HSD17B12: variants seen among roughly 807,000 people sequenced by gnomAD.
HSD17B12 encodes very-long-chain 3-oxoacyl-CoA reductase.
In HSD17B12, 32 loss-of-function variants were observed where a neutral mutation model predicts 39.3. That is an observed-to-expected ratio of 0.81 (90% CI 0.61 to 1.09). The LOEUF (loss-of-function observed/expected upper bound fraction) is 1.09, where lower values mean the gene tolerates loss of function less well. Among genes scored for constraint, HSD17B12 ranks in the 50% least tolerant of loss-of-function variants. The probability of loss-of-function intolerance (pLI) is 0.00; values close to 1 mark genes in which losing one functional copy is unlikely to be tolerated. For synonymous variants in HSD17B12, 150 were observed against 146.7 expected (o/e 1.02, Z -0.16); for missense variants, 342 against 382.9 (o/e 0.89, Z 0.89).
intron 3 of HSD17B12, among the ~76,000 whole-genome samples, chr11:43,770,450 G>A (rs1289838033): frequency 3.3e-5 from 5 of 152,104 alleles, no homozygotes; most frequent in African/African-American, 9.7e-5. Flanking sequence ...ACTCTCTGCC[G>A]GGCACAGTGG....
At chr11:43,587,134 C>T in the HSD17B12 span, among the ~76,000 whole-genome samples, 1 of 152,304 alleles carries the variant, frequency 6.6e-6, no homozygotes, top group African/African-American at 2.4e-5. Context: ...GCCTCAATAT[C>T]TCCATCTATA....
At chr11:43,770,592 C>T (rs1950639612) in intron 3 of HSD17B12, among the ~76,000 whole-genome samples, 1 of 152,128 alleles carries the variant, frequency 6.6e-6, no homozygotes, top group Non-Finnish European at 1.5e-5. Flanking sequence ...AAAAATCAGC[C>T]AGGCTTGATG....
chr11:43,754,851 A>G (rs896471198), intron 3 of HSD17B12: 16 of 760,520 alleles, frequency 2.1e-5, no homozygotes, highest in Non-Finnish European at 3.4e-5. Context: ...GACAGGGAAA[A>G]TCTTTTGAAC....
chr11:43,706,964 T>G (rs1950022126), intron 1 of HSD17B12, among the ~76,000 whole-genome samples: 1 of 152,192 alleles, frequency 6.6e-6, no homozygotes. Flanking sequence ...ATTTTTATAT[T>G]ACTGTCATTT....
At chr11:43,750,377 C>CT (rs769161191) in intron 1 of HSD17B12, among the ~76,000 whole-genome samples, 97 of 152,052 alleles carry the variant, frequency 6.4e-4, no homozygotes, top group Non-Finnish European at 1.1e-3. Context: ...ATCAGTAGTT[C>CT]TTTTTTTATT....
the HSD17B12 span, among the ~76,000 whole-genome samples, chr11:43,571,346 A>G: frequency 6.6e-6 from 1 of 152,128 alleles, no homozygotes; most frequent in East Asian, 1.9e-4. Context: ...AGCCTCTGCT[A>G]AGCTCAAGTG....
the HSD17B12 span, among the ~76,000 whole-genome samples, chr11:43,631,588 T>C: frequency 6.9e-5 from 10 of 143,922 alleles, no homozygotes; most frequent in Admixed American, 1.5e-4. Context: ...TCTCTCTCTC[T>C]CTGTCTCTCT....
At chr11:43,816,521 G>A in intron 6 of HSD17B12, 130 bp downstream of exon 6, 1 of 624,898 alleles carries the variant, frequency 1.6e-6, no homozygotes, top group Non-Finnish European at 2.3e-6. Flanking sequence ...GATACAAGTG[G>A]TCTATTAACT....
chr11:43,826,208 G>A (rs1417659041), intron 6 of HSD17B12, among the ~76,000 whole-genome samples: 1 of 149,808 alleles, frequency 6.7e-6, no homozygotes, highest in Non-Finnish European at 1.5e-5. Context: ...TCAGCCTCCC[G>A]AGTAGCTGGA....
At chr11:43,661,124 CAAT>C in the HSD17B12 span, among the ~76,000 whole-genome samples, 1 of 151,928 alleles carries the variant, frequency 6.6e-6, no homozygotes, top group South Asian at 2.1e-4. Flanking sequence ...AACTCCATCT[CAAT>C]AATAATAATA....
the HSD17B12 span, among the ~76,000 whole-genome samples, chr11:43,581,998 G>A: frequency 2.6e-5 from 4 of 152,296 alleles, no homozygotes; most frequent in African/African-American, 9.6e-5. This position sits in a 1 kb window ranked among gnomAD's most constrained non-coding sequence, Gnocchi z 4.9. Context: ...CCTGGTGCGG[G>A]GGACCCGGAG....
the HSD17B12 span, among the ~76,000 whole-genome samples, chr11:43,632,082 A>G: frequency 6.6e-6 from 1 of 152,130 alleles, no homozygotes; most frequent in East Asian, 1.9e-4. Context: ...CGCAGATCCT[A>G]ATCTCTTCGT....
intron 6 of HSD17B12, among the ~76,000 whole-genome samples, chr11:43,828,141 CTT>C (rs551697407): frequency 6.1e-5 from 8 of 131,252 alleles, no homozygotes; most frequent in Non-Finnish European, 8.2e-5. Context: ...TTGTCTACTT[CTT>C]TTTTTTTTTT....
At chr11:43,630,962 G>A in the HSD17B12 span, among the ~76,000 whole-genome samples, 1 of 151,942 alleles carries the variant, frequency 6.6e-6, no homozygotes, top group Non-Finnish European at 1.5e-5. Context: ...CCGCCACCAC[G>A]CCTGGCCCAT....
At chr11:43,747,690 T>C (rs1200852729) in intron 1 of HSD17B12, among the ~76,000 whole-genome samples, 2 of 152,244 alleles carry the variant, frequency 1.3e-5, no homozygotes, top group Non-Finnish European at 2.9e-5. Context: ...GTTAAAGATA[T>C]GCTGTTTGAA....
chr11:43,681,295 T>A (rs1001426974), intron 1 of HSD17B12: 5 of 388,038 alleles, frequency 1.3e-5, no homozygotes, highest in Non-Finnish European at 2.0e-5. Flanking sequence ...TCCGTGTTCA[T>A]GGAGCCAGTC....
the HSD17B12 span, chr11:43,581,292 A>C: frequency 4.3e-6 from 2 of 465,478 alleles, no homozygotes; most frequent in South Asian, 3.1e-5. This position sits in a 1 kb window ranked among gnomAD's most constrained non-coding sequence, Gnocchi z 4.9. Context: ...GGTGAGACTG[A>C]GCCGCGATGG....
chr11:43,654,877 G>A, the HSD17B12 span, among the ~76,000 whole-genome samples: 19 of 152,092 alleles, frequency 1.2e-4, no homozygotes, highest in Non-Finnish European at 1.9e-4. Context: ...TTGGCAATGC[G>A]GGCTCTTTTT....
intron 9 of HSD17B12, chr11:43,854,164 T>C (rs12417393): frequency 0.35 from 53,013 of 152,190 alleles, 9,641 homozygotes; most frequent in Admixed American, 0.44. Context: ...ATCTTATCAA[T>C]AAAATTGTTT....
Sources: gnomAD v4.1 joint callset for allele counts (sites outside exome capture counted in the v4.1 genomes callset) on GRCh38, gnomAD v4.1.1 for gene constraint, Gnocchi (gnomAD v3.1) non-coding constraint, MANE v1.5 for transcripts, NCBI Gene and HGNC (gene_info 2026-07-23, HGNC 2026-07-21) for gene names.